NCOR1: variants seen among roughly 807,000 people sequenced by gnomAD.
The protein encoded by NCOR1 is nuclear receptor corepressor 1.
Under a neutral mutation model 288.1 loss-of-function variants are expected in NCOR1, and 63 were observed. The observed-to-expected ratio is 0.22, with a 90% CI of 0.18 to 0.27. The LOEUF (loss-of-function observed/expected upper bound fraction) is 0.27, where lower values mean the gene tolerates loss of function less well. Ranked by LOEUF, NCOR1 falls within the 10% of genes least tolerant of loss-of-function variation. NCOR1 has a pLI of 1.00. For missense variants in NCOR1, 2,397 were observed against 3,019.2 expected (o/e 0.79, Z 4.83); for synonymous variants, 1,007 against 1,065.9 (o/e 0.94, Z 1.08).
chr17:16,158,315 G>C (rs137962594), intron 6 of NCOR1, among the ~76,000 whole-genome samples: 2 of 152,160 alleles, frequency 1.3e-5, no homozygotes, highest in East Asian at 3.9e-4. Flanking sequence ...CCCAACTATC[G>C]ACTGTGAACT....
chr17:16,126,242 G>T, intron 14 of NCOR1, 36 bp from the exon 15 acceptor site: 1 of 1,500,114 alleles, frequency 6.7e-7, no homozygotes, highest in Non-Finnish European at 8.8e-7. Context: ...AAATTCAAAG[G>T]CAAACAGAAA....
intron 45 of NCOR1, among the ~76,000 whole-genome samples, chr17:16,033,616 A>T (rs969546000): frequency 6.6e-6 from 1 of 151,232 alleles, no homozygotes; most frequent in Non-Finnish European, 1.5e-5. Context: ...AAGATGGCTT[A>T]TAATTCTCTG....
At position 16,064,137 on chromosome 17, in the gene NCOR1, G is replaced by A. The variant is rs373216507; in HGVS notation, c.5152C>T (p.Arg1718Trp). The A allele has an allele frequency of 1.4e-5, 22 of 1,613,738 alleles. No homozygotes were observed. Among genetic ancestry groups the A allele is most frequent in the East Asian group, 2.2e-5 (1 of 44,880 alleles). ...CGCTCCCGCTCCTTCTCCCGCTCCC[G>A]TTCCCGTTCCCTCTCAGCACTTGCA... ...AAASAEREREREREKERERER... is the reference protein window; with the variant it reads ...AAASAEREREWEREKERERER... The change falls in exon 35 of 46, where the codon CGG (arginine) becomes TGG (tryptophan). Residue 1718 changes from arginine to tryptophan, a missense_variant. By Grantham distance (101) the Arg-to-Trp change is moderately radical. Around this residue, in one of 11 missense-constraint regions of NCOR1, gnomAD observed 1,872 missense variants for 2,187.8 expected, o/e 0.86. Coordinates refer to ENST00000268712, the MANE Select transcript of NCOR1 (RefSeq NM_006311.4).
chr17:16,044,815 TG>T, intron 42 of NCOR1: 2 of 1,093,486 alleles, frequency 1.8e-6, no homozygotes, highest in Non-Finnish European at 1.4e-6. Flanking sequence ...ATGTAGGGGC[TG>T]GTGGACCTGC....
At chr17:16,173,384 T>C (rs542437676) in intron 3 of NCOR1, among the ~76,000 whole-genome samples, 1 of 152,088 alleles carries the variant, frequency 6.6e-6, no homozygotes, top group African/African-American at 2.4e-5. Context: ...TTATATTCAA[T>C]ATGGTATTGG....
chr17:16,122,438 C>T (rs2073188194), intron 15 of NCOR1, among the ~76,000 whole-genome samples: 1 of 152,192 alleles, frequency 6.6e-6, no homozygotes, highest in Non-Finnish European at 1.5e-5. Context: ...GATGTTTTCT[C>T]AAAAGTCACC....
At chr17:16,178,961 A>AT (rs11306479) in intron 3 of NCOR1, among the ~76,000 whole-genome samples, 3,723 of 150,914 alleles carry the variant, frequency 0.025, 58 homozygotes, top group Non-Finnish European at 0.037. Context: ...AAAAAAAGTT[A>AT]TTTTTTTTTT....
chr17:16,075,524 C>T lies in NCOR1; in HGVS notation c.3670+10G>A, dbSNP rs1257047428. Reference sequence around the variant, plus strand: ...TAATACTGGCTTTGGTGCATACATACAATACTTACTATCATATGACAAGAT... The same window carrying T: ...TAATACTGGCTTTGGTGCATACATATAATACTTACTATCATATGACAAGAT... On this transcript the variant is annotated intron_variant, in intron 27 of 45. Coordinates refer to ENST00000268712, the MANE Select transcript of NCOR1 (RefSeq NM_006311.4). The T allele has an allele frequency of 6.2e-7, 1 of 1,613,590 alleles. No individual in the cohort carries two copies. Among genetic ancestry groups the T allele is most frequent in the Non-Finnish European group, 8.5e-7 (1 of 1,179,662 alleles).
intron 26 of NCOR1, among the ~76,000 whole-genome samples, chr17:16,076,233 C>T (rs999735542): frequency 1.3e-4 from 20 of 152,038 alleles, no homozygotes; most frequent in Admixed American, 5.9e-4. Context: ...TTATTTTAGA[C>T]GATGAAAATT....
chr17:16,115,015 C>A (rs2071274458), intron 18 of NCOR1, among the ~76,000 whole-genome samples: 1 of 152,162 alleles, frequency 6.6e-6, no homozygotes, highest in African/African-American at 2.4e-5. Flanking sequence ...TCTGCTTGAA[C>A]ATCCAGGCGT....
chr17:16,153,281 A>T (rs2079154762), intron 7 of NCOR1, 58 bp downstream of exon 7: 1 of 1,277,194 alleles, frequency 7.8e-7, no homozygotes, highest in African/African-American at 1.5e-5. Context: ...TTATCCCAAG[A>T]AAAACTACCA....
chr17:16,150,021 A>G (rs1025277782), intron 8 of NCOR1, among the ~76,000 whole-genome samples: 1 of 152,190 alleles, frequency 6.6e-6, no homozygotes, highest in African/African-American at 2.4e-5. Flanking sequence ...ATCCACTCTA[A>G]GAAGTAATGG....
In NCOR1 at chr17:16,127,418, T is replaced by C. The variant is rs534548020; in HGVS notation, c.1510-1212A>G. 3.2e-3 allele frequency among the ~76,000 whole-genome samples: 267 copies of C among 84,340 alleles called. 122 individuals are homozygous for C. The highest frequency in any genetic ancestry group is 0.024 in the Middle Eastern group (2 of 82). The allele number at this position is 84,340 out of a possible 152,430, so 55.3% of individuals were successfully genotyped here. On this transcript the variant is annotated intron_variant, in intron 14 of 45. Coordinates refer to ENST00000268712, the MANE Select transcript of NCOR1 (RefSeq NM_006311.4). ...ACATGTGTATATGTGTATGTATATA[T>C]ACATGTGTATATGTGTATGTATATA...
intron 18 of NCOR1, 144 bp downstream of exon 18, chr17:16,117,744 T>C (rs752464972): frequency 2.4e-6 from 2 of 841,200 alleles, no homozygotes; most frequent in Non-Finnish European, 3.3e-6. Context: ...ATTGCTTGAA[T>C]CCGGGAGGAA....
At chr17:16,136,891 T>A (rs916829871) in intron 14 of NCOR1, among the ~76,000 whole-genome samples, 1 of 151,860 alleles carries the variant, frequency 6.6e-6, no homozygotes, top group African/African-American at 2.4e-5. Context: ...AAAATCAGGT[T>A]CCAGGTTTTT....
intron 1 of NCOR1, among the ~76,000 whole-genome samples, chr17:16,213,076 C>T (rs1208060420): frequency 1.4e-5 from 2 of 145,398 alleles, no homozygotes; most frequent in Non-Finnish European, 3.0e-5. Context: ...AAAAAAAAAG[C>T]TTTAAAAAAG....
rs765127361 is a variant in NCOR1, at chr17:16,079,968, G to C, written c.3497C>G (p.Thr1166Ser). The change falls in exon 26 of 46, where the codon ACT (threonine) becomes AGT (serine). Residue 1166 changes from threonine to serine, a missense_variant. Coordinates refer to ENST00000268712, the MANE Select transcript of NCOR1 (RefSeq NM_006311.4). ...ESIPSLRGSI[T>S]QGTPALPQTG... ...TCAGAGATGATCGTGACTAACCTGA[G>C]TGATAGAGCCCCGTAGGGATGGAAT... The C allele has an allele frequency of 2.5e-6, 4 of 1,612,352 alleles. No homozygotes were observed. The highest frequency in any genetic ancestry group is 3.4e-6 in the Non-Finnish European group (4 of 1,178,424).
chr17:16,118,050 A>C, intron 17 of NCOR1, 23 bp from the exon 18 acceptor site: 1 of 1,604,540 alleles, frequency 6.2e-7, no homozygotes, highest in African/African-American at 1.3e-5. Context: ...AACAGACCAA[A>C]TGTTAATTGA....
intron 21 of NCOR1, among the ~76,000 whole-genome samples, chr17:16,094,712 G>A (rs1001940300): frequency 6.6e-6 from 1 of 152,314 alleles, no homozygotes; most frequent in African/African-American, 2.4e-5. Flanking sequence ...TTGCAGGCGC[G>A]CGCCGCCACG....
Sources: gnomAD v4.1 joint callset for allele counts (sites outside exome capture counted in the v4.1 genomes callset) on GRCh38, gnomAD v4.1.1 for gene constraint, gnomAD v4.1.1 regional missense constraint, MANE v1.5 for transcripts, NCBI Gene and HGNC (gene_info 2026-07-23, HGNC 2026-07-21) for gene names.